The following BMP5 variants were observed in gnomAD, a reference collection of about 807,000 sequenced individuals.
BMP5 encodes bone morphogenetic protein 5.
BMP5 carries 23 observed loss-of-function variants against 46.6 expected under a neutral mutation model. That is an observed-to-expected ratio of 0.49 (90% CI 0.35 to 0.70). BMP5 has a LOEUF of 0.70. BMP5 is among the 30% of genes least tolerant of loss of function. The pLI is 0.00. For missense variants in BMP5, 545 were observed against 565.6 expected, an observed-to-expected ratio of 0.96 and a Z score of 0.37; for synonymous variants, 204 against 191.9, an observed-to-expected ratio of 1.06 and a Z score of -0.52.
At chr6:55,770,329 G>T (rs772763012) in intron 4 of BMP5, among the ~76,000 whole-genome samples, 1 of 151,848 alleles carries the variant, frequency 6.6e-6, no homozygotes, top group Non-Finnish European at 1.5e-5. Flanking sequence ...TTGCTATGGA[G>T]ACAGCTTCTT....
intron 3 of BMP5, among the ~76,000 whole-genome samples, chr6:55,787,368 T>C (rs551187187): frequency 4.0e-5 from 6 of 151,738 alleles, no homozygotes; most frequent in Admixed American, 1.3e-4. Context: ...TAAAAGAATA[T>C]TCAGTTGTAA....
At chr6:55,764,451 T>C (rs926265653) in intron 4 of BMP5, among the ~76,000 whole-genome samples, 2 of 151,608 alleles carry the variant, frequency 1.3e-5, no homozygotes, top group Non-Finnish European at 2.9e-5. Context: ...CGGACGCCTG[T>C]AGTCCCAGCT....
intron 1 of BMP5, among the ~76,000 whole-genome samples, chr6:55,825,879 C>T (rs778203947): frequency 6.6e-6 from 1 of 151,786 alleles, no homozygotes; most frequent in Non-Finnish European, 1.5e-5. Flanking sequence ...AGCATTCTCC[C>T]AGGAGCCTAG....
intron 1 of BMP5, among the ~76,000 whole-genome samples, chr6:55,821,084 A>T (rs55778645): frequency 0.022 from 3,274 of 152,246 alleles, 119 homozygotes; most frequent in African/African-American, 0.076. Context: ...GAAACTTAGG[A>T]TCCTAAGCTA....
intron 1 of BMP5, among the ~76,000 whole-genome samples, chr6:55,837,808 C>T (rs1776854325): frequency 6.6e-6 from 1 of 152,110 alleles, no homozygotes; most frequent in Non-Finnish European, 1.5e-5. Context: ...CTGCCAGCCT[C>T]CCACTACCCT....
intron 1 of BMP5, among the ~76,000 whole-genome samples, chr6:55,843,191 TA>T (rs1300727771): frequency 6.6e-6 from 1 of 152,244 alleles, no homozygotes; most frequent in African/African-American, 2.4e-5. Context: ...TCTGATATCA[TA>T]AGTTAGGATA....
intron 1 of BMP5, among the ~76,000 whole-genome samples, chr6:55,820,122 G>A (rs919836499): frequency 1.3e-5 from 2 of 152,116 alleles, no homozygotes; most frequent in East Asian, 3.9e-4. Context: ...AAAAGTGAAG[G>A]CTGTAAAATG....
chr6:55,846,056 G>C (rs1777090809), intron 1 of BMP5, among the ~76,000 whole-genome samples: 1 of 151,942 alleles, frequency 6.6e-6, no homozygotes, highest in Non-Finnish European at 1.5e-5. Flanking sequence ...GTCCCTCATA[G>C]TGAAAAATTT....
chr6:55,766,539 A>AGAT (rs1343955300), intron 4 of BMP5, among the ~76,000 whole-genome samples: 10 of 152,054 alleles, frequency 6.6e-5, no homozygotes, highest in Non-Finnish European at 8.8e-5. Context: ...TCTCCAATCT[A>AGAT]TGATCTTCAT....
At chr6:55,846,017 C>T (rs1474579576) in intron 1 of BMP5, among the ~76,000 whole-genome samples, 1 of 151,910 alleles carries the variant, frequency 6.6e-6, no homozygotes, top group Non-Finnish European at 1.5e-5. Context: ...TGGAATTTAG[C>T]TGGAAGAGCA....
chr6:55,829,989 G>T (rs1173119633), intron 1 of BMP5, among the ~76,000 whole-genome samples: 1 of 151,946 alleles, frequency 6.6e-6, no homozygotes, highest in Middle Eastern at 3.4e-3. Flanking sequence ...TGTTTTGTGT[G>T]TTTCTTTTAC....
intron 1 of BMP5, among the ~76,000 whole-genome samples, chr6:55,834,294 C>T (rs73448104): frequency 0.021 from 3,222 of 152,190 alleles, 115 homozygotes; most frequent in African/African-American, 0.074. Flanking sequence ...TTCCTTTCCT[C>T]GCTCCTTTAA....
chr6:55,756,262 T>A (rs987075236), intron 6 of BMP5, among the ~76,000 whole-genome samples: 1 of 151,948 alleles, frequency 6.6e-6, no homozygotes, highest in African/African-American at 2.4e-5. Context: ...AATTTTTTTA[T>A]CACATTGGCT....
At chr6:55,821,665 A>T (rs890407932) in intron 1 of BMP5, among the ~76,000 whole-genome samples, 1 of 152,218 alleles carries the variant, frequency 6.6e-6, no homozygotes, top group Non-Finnish European at 1.5e-5. Context: ...AGGACAAAAA[A>T]CCCATTTGTA....
At chr6:55,863,648 G>A (rs1368264638) in intron 1 of BMP5, among the ~76,000 whole-genome samples, 1 of 152,112 alleles carries the variant, frequency 6.6e-6, no homozygotes, top group African/African-American at 2.4e-5. Flanking sequence ...GCCACATAAT[G>A]ACAATGTTTA....
At chr6:55,793,933 G>A (rs970238854) in intron 3 of BMP5, among the ~76,000 whole-genome samples, 4 of 151,906 alleles carry the variant, frequency 2.6e-5, no homozygotes, top group Admixed American at 1.3e-4. Flanking sequence ...TTTACAAATC[G>A]TATAGTTGTG....
rs9475435 is a variant in BMP5, at chr6:55,864,020, G to A, written c.490+10356C>T. ...CCCCCATTTTTAAAGATGCATAACCGTGAATGCATCACACATATAAAAAAA... is the reference window on the plus strand; with the variant it reads ...CCCCCATTTTTAAAGATGCATAACCATGAATGCATCACACATATAAAAAAA... On this transcript the variant is annotated intron_variant, in intron 1 of 6. Coordinates refer to ENST00000370830, the MANE Select transcript of BMP5 (RefSeq NM_021073.4). Among the ~76,000 whole-genome samples the A allele has an allele frequency of 3.5e-3, 528 of 152,000 alleles. 5 individuals carry two copies. The highest frequency in any genetic ancestry group is 0.012 in the African/African-American group (507 of 41,488).
chr6:55,761,446 C>T (rs941865721), intron 4 of BMP5, among the ~76,000 whole-genome samples: 22 of 152,038 alleles, frequency 1.4e-4, no homozygotes, highest in Admixed American at 8.5e-4. Context: ...AGGCTCTTTA[C>T]ATTTTGGTCT....
At chr6:55,768,185 G>A (rs1774963553) in intron 4 of BMP5, among the ~76,000 whole-genome samples, 2 of 151,732 alleles carry the variant, frequency 1.3e-5, no homozygotes, top group African/African-American at 4.8e-5. Context: ...TTTTCCAAGA[G>A]GCATAAATTT....
Sources: gnomAD v4.1 joint callset for allele counts (sites outside exome capture counted in the v4.1 genomes callset) on GRCh38, gnomAD v4.1.1 for gene constraint, MANE v1.5 for transcripts, NCBI Gene and HGNC (gene_info 2026-07-23, HGNC 2026-07-21) for gene names.